The following GABRE variants were observed in gnomAD, a reference collection of about 807,000 sequenced individuals.
GABRE encodes the protein gamma-aminobutyric acid type A receptor subunit epsilon.
A neutral mutation model predicts 31.0 loss-of-function variants in GABRE; 20 were observed. The ratio of observed to expected loss-of-function variants is 0.64; its 90% CI spans 0.45 to 0.94. GABRE has a LOEUF of 0.94. Among genes scored for constraint, GABRE ranks in the 40% least tolerant of loss-of-function variants. GABRE has a pLI of 0.00. For missense variants in GABRE, 420 were observed against 410.7 expected, an observed-to-expected ratio of 1.02 and a Z score of -0.20; for synonymous variants, 155 against 150.6, an observed-to-expected ratio of 1.03 and a Z score of -0.21.
chrX:151,955,458 G>A lies in GABRE; in HGVS notation c.1047C>T (p.Val349=). Residue 349 remains valine (V), a synonymous_variant, in exon 8 of 9, where the codon GTC becomes GTT. Transcript: ENST00000370328. The part of the protein sequence containing the change: ...ALDFYIAICF[V]FCFCALLEFA... ...ACTCCAACAGAGCGCAGAAGCAGAA[G>A]ACGAAGCAGATGGCGATATAGAAAT... 8.3e-7 allele frequency: 1 copy of A among 1,211,624 alleles called. No individual in the cohort carries two copies. The highest frequency in any genetic ancestry group is 1.1e-6 in the Non-Finnish European group (1 of 895,189).
At chrX:151,966,847 C>A (rs994305107) in intron 3 of GABRE, among the ~76,000 whole-genome samples, 4 of 112,057 alleles carry the variant, frequency 3.6e-5, no homozygotes, top group African/African-American at 1.3e-4. Flanking sequence ...TTTTCTGAAC[C>A]AGTCCTGTGT....
At chrX:151,960,295 A>G (rs1934324316) in intron 5 of GABRE, among the ~76,000 whole-genome samples, 2 of 112,357 alleles carry the variant, frequency 1.8e-5, no homozygotes, top group Admixed American at 9.4e-5. Context: ...ACCTATGTCC[A>G]CAGAACAGCG....
At position 151,955,533 on chromosome X, in the gene GABRE, G is replaced by A; in HGVS notation, c.972C>T (p.Gly324=). 1 of 1,211,681 alleles carries A rather than the reference G, an allele frequency of 8.3e-7. No homozygotes were observed. Among genetic ancestry groups the A allele is most frequent in the Non-Finnish European group, 1.1e-6 (1 of 895,262 alleles). Residue 324 remains glycine (G), a synonymous_variant, in exon 8 of 9, where the codon GGC becomes GGT. Coordinates refer to ENST00000370328, the MANE Select transcript of GABRE (RefSeq NM_004961.4). ...GCGGGAAATTCTTACGAGAAAAGGT[G>A]CCCAACGTGGTCATGGTCAGAACAG... ...ITSVLTMTTL[G]TFSRKNFPRV...
intron 3 of GABRE, 163 bp downstream of exon 3, chrX:151,969,506 C>T (rs142992330): frequency 4.9e-6 from 2 of 407,462 alleles, no homozygotes; most frequent in African/African-American, 2.6e-5. Flanking sequence ...TTACCTTTTC[C>T]AGTCTCATTC....
intron 3 of GABRE, among the ~76,000 whole-genome samples, chrX:151,966,293 G>A (rs138589736): frequency 1.9e-3 from 211 of 112,042 alleles, no homozygotes; most frequent in African/African-American, 6.5e-3. Context: ...AAGAAAAAGC[G>A]TTAGCAACTA....
intron 1 of GABRE, among the ~76,000 whole-genome samples, chrX:151,970,816 C>T (rs1360840711): frequency 8.9e-6 from 1 of 112,171 alleles, no homozygotes; most frequent in South Asian, 3.7e-4. Flanking sequence ...GGAATGCTTG[C>T]GAAAGCCAGA....
rs769232939 is a variant in GABRE at position 151,974,382 on chromosome X, C to T, written c.56+188G>A. Reference sequence around the variant, plus strand: ...TCAAGGACCCCGGGAGCCCATCCTACAGTGAGGCGGGCCGAGGCCGGCGCG... The same window carrying T: ...TCAAGGACCCCGGGAGCCCATCCTATAGTGAGGCGGGCCGAGGCCGGCGCG... On this transcript the variant is annotated intron_variant, in intron 1 of 8. Coordinates refer to ENST00000370328, the MANE Select transcript of GABRE (RefSeq NM_004961.4). Among the ~76,000 whole-genome samples, 244 of 111,742 alleles carry T rather than the reference C, an allele frequency of 2.2e-3. 1 individual carries two copies. The highest frequency in any genetic ancestry group is 0.019 in the Admixed American group (203 of 10,723).
At chrX:151,961,802 A>AAG (rs1934383308) in intron 4 of GABRE, among the ~76,000 whole-genome samples, 1 of 103,495 alleles carries the variant, frequency 9.7e-6, no homozygotes, top group Non-Finnish European at 2.0e-5. Context: ...AGAGATAACA[A>AAG]GAGAGAAAAC....
At chrX:151,966,237 A>G (rs1488536774) in intron 3 of GABRE, among the ~76,000 whole-genome samples, 3 of 112,472 alleles carry the variant, frequency 2.7e-5, no homozygotes, top group African/African-American at 9.7e-5. Context: ...AAACTCTAGA[A>G]ATTCAGTGTT....
chrX:151,965,318 C>T (rs775296857), intron 3 of GABRE, among the ~76,000 whole-genome samples: 1 of 111,601 alleles, frequency 9.0e-6, no homozygotes, highest in Non-Finnish European at 1.9e-5. Context: ...TAGATATATC[C>T]GTGATTATTT....
chrX:151,962,761 C>T, intron 3 of GABRE, 118 bp from the exon 4 acceptor site: 2 of 573,186 alleles, frequency 3.5e-6, no homozygotes, highest in East Asian at 6.8e-5. Context: ...TGGTGGAATG[C>T]ATTGAGCACT....
intron 5 of GABRE, among the ~76,000 whole-genome samples, chrX:151,960,329 A>C (rs890728904): frequency 8.9e-6 from 1 of 112,470 alleles, no homozygotes; most frequent in African/African-American, 3.2e-5. Context: ...GATAAAGGTC[A>C]CTTGGGGACA....
chrX:151,969,050 C>G (rs982921677), intron 3 of GABRE, among the ~76,000 whole-genome samples: 10 of 112,158 alleles, frequency 8.9e-5, no homozygotes, highest in African/African-American at 2.9e-4. Flanking sequence ...AATGAAAGCT[C>G]AGAGGTACAA....
At chrX:151,970,440 A>G (rs371012201) in intron 1 of GABRE, 38 bp from the exon 2 acceptor site, 198 of 1,185,065 alleles carry the variant, frequency 1.7e-4, no homozygotes, top group Non-Finnish European at 2.2e-4. Context: ...TCTGCCCTGC[A>G]CTCTGTAGGG....
chrX:151,972,752 A>C, intron 1 of GABRE: 2 of 600,451 alleles, frequency 3.3e-6, no homozygotes, highest in Non-Finnish European at 4.0e-6. Flanking sequence ...AAACAAAACA[A>C]AACCTCATCT....
chrX:151,971,211 G>A, intron 1 of GABRE: 1 of 511,696 alleles, frequency 2.0e-6, no homozygotes, highest in Non-Finnish European at 2.9e-6. Flanking sequence ...CTGAGGTCCT[G>A]CTCACATTCG....
chrX:151,973,327 T>C (rs1425297725), intron 1 of GABRE, among the ~76,000 whole-genome samples: 2 of 111,481 alleles, frequency 1.8e-5, no homozygotes, highest in East Asian at 2.8e-4. Flanking sequence ...AGCCATCTTT[T>C]GCCCTAGCCA....
At position 151,955,051 on chromosome X, in the gene GABRE, G is replaced by A. The variant is rs1417975898; in HGVS notation, c.1171C>T (p.Arg391Cys). 3 of 1,202,463 alleles carry A rather than the reference G, an allele frequency of 2.5e-6. No homozygotes were observed. The highest frequency in any genetic ancestry group is 6.0e-5 in the East Asian group (2 of 33,546). Residue 391 changes from arginine to cysteine, a missense_variant, in exon 9 of 9, where the codon CGT becomes TGT. Physicochemically the swap from Arg to Cys is radical, Grantham distance 180. Transcript: ENST00000370328. ...RINSRAHART[R>C]ARSRACARQH... The stretch of plus-strand genomic sequence containing the variant: ...CGGGCACAGGCTCGGGAACGTGCAC[G>A]GGTACGGGCATGGGCACGGCTATTG...
At chrX:151,973,242 C>T (rs1041979918) in intron 1 of GABRE, among the ~76,000 whole-genome samples, 1 of 110,369 alleles carries the variant, frequency 9.1e-6, no homozygotes, top group Non-Finnish European at 1.9e-5. Context: ...GCTTGAAGGG[C>T]AGTTTCCATT....
Sources: gnomAD v4.1 joint callset for allele counts (sites outside exome capture counted in the v4.1 genomes callset) on GRCh38, gnomAD v4.1.1 for gene constraint, MANE v1.5 for transcripts, NCBI Gene and HGNC (gene_info 2026-07-23, HGNC 2026-07-21) for gene names.